The following EPHX4 variants were observed in gnomAD, a reference collection of about 807,000 sequenced individuals.
EPHX4 encodes the protein abhydrolase domain containing 7.
A neutral mutation model predicts 44.9 loss-of-function variants in EPHX4; 31 were observed. That is an observed-to-expected ratio of 0.69 (90% CI 0.52 to 0.93). The LOEUF (loss-of-function observed/expected upper bound fraction) is 0.93. Among genes scored for constraint, EPHX4 ranks in the 40% least tolerant of loss-of-function variants. The pLI, the probability that EPHX4 is intolerant of heterozygous loss-of-function variation, is 0.00. For synonymous variants in EPHX4, 151 were observed against 159.7 expected (o/e 0.95, Z 0.41); for missense variants, 373 against 438.1 (o/e 0.85, Z 1.33).
At chr1:92,041,470 G>A (rs1688508082) in intron 2 of EPHX4, among the ~76,000 whole-genome samples, 1 of 152,108 alleles carries the variant, frequency 6.6e-6, no homozygotes, top group African/African-American at 2.4e-5. Flanking sequence ...ACATCTACTT[G>A]TGAGAGAAAT....
intron 1 of EPHX4, among the ~76,000 whole-genome samples, 175 bp downstream of exon 1, chr1:92,030,485 T>TGA (rs371017117): frequency 8.7e-5 from 12 of 138,648 alleles, no homozygotes; most frequent in African/African-American, 1.4e-4. Context: ...TGTGTGTGTG[T>TGA]GAGAGAGAGA....
chr1:92,032,447 T>C, intron 1 of EPHX4, 58 bp from the exon 2 acceptor site: 1 of 1,279,732 alleles, frequency 7.8e-7, no homozygotes, highest in South Asian at 1.2e-5. Context: ...AAATGCTAAA[T>C]ATATTGCTTT....
At chr1:92,050,199 T>C (rs1647224078) in intron 4 of EPHX4, 118 bp from the exon 5 acceptor site, 1 of 644,810 alleles carries the variant, frequency 1.6e-6, no homozygotes, top group East Asian at 2.9e-5. Context: ...AAAGAAGCCT[T>C]ACTTATGGAT....
intron 6 of EPHX4, among the ~76,000 whole-genome samples, chr1:92,058,649 A>T (rs1459510381): frequency 6.6e-6 from 1 of 152,068 alleles, no homozygotes; most frequent in Non-Finnish European, 1.5e-5. Context: ...TTTCTGGGAA[A>T]CTGACCTTTG....
intron 6 of EPHX4, among the ~76,000 whole-genome samples, chr1:92,056,562 T>G (rs1463940182): frequency 2.0e-5 from 3 of 152,116 alleles, no homozygotes; most frequent in African/African-American, 7.2e-5. Context: ...TATGGAAGAT[T>G]TGAACAACTC....
chr1:92,058,231 C>T (rs1570698087), intron 6 of EPHX4, among the ~76,000 whole-genome samples: 2 of 152,170 alleles, frequency 1.3e-5, no homozygotes, highest in South Asian at 4.2e-4. Flanking sequence ...CACCTGACTT[C>T]GGGAGTTCAA....
At chr1:92,041,766 T>C (rs1159663908) in intron 2 of EPHX4, among the ~76,000 whole-genome samples, 1 of 152,122 alleles carries the variant, frequency 6.6e-6, no homozygotes, top group East Asian at 1.9e-4. Flanking sequence ...TTTGGCCAGG[T>C]GCAGTGGCTT....
intron 5 of EPHX4, among the ~76,000 whole-genome samples, chr1:92,050,836 T>A (rs1251877678): frequency 6.6e-6 from 1 of 152,202 alleles, no homozygotes; most frequent in Non-Finnish European, 1.5e-5. Flanking sequence ...TAAATTCTTC[T>A]TTTTATTTTT....
intron 2 of EPHX4, among the ~76,000 whole-genome samples, chr1:92,034,986 A>G (rs1486948058): frequency 6.6e-6 from 1 of 152,188 alleles, no homozygotes; most frequent in Non-Finnish European, 1.5e-5. Context: ...CTTTATGAAT[A>G]AATGTATTGA....
chr1:92,034,032 A>T (rs1192482675), intron 2 of EPHX4, among the ~76,000 whole-genome samples: 2 of 116,656 alleles, frequency 1.7e-5, no homozygotes, highest in African/African-American at 3.1e-5. Context: ...GAACATCTTT[A>T]AAAGAGGTGG....
intron 6 of EPHX4, among the ~76,000 whole-genome samples, chr1:92,058,675 C>T (rs1435789620): frequency 6.6e-6 from 1 of 151,636 alleles, no homozygotes; most frequent in Non-Finnish European, 1.5e-5. Context: ...CTCAATTGTC[C>T]CAGAAATAAT....
intron 2 of EPHX4, among the ~76,000 whole-genome samples, chr1:92,033,959 G>T (rs1365273264): frequency 1.3e-5 from 2 of 149,146 alleles, no homozygotes; most frequent in African/African-American, 2.5e-5. Flanking sequence ...GACCCCACTG[G>T]GCCAAATAAG....
At chr1:92,052,689 A>T in intron 6 of EPHX4, 31 bp downstream of exon 6, 3 of 1,543,276 alleles carry the variant, frequency 1.9e-6, no homozygotes, top group Non-Finnish European at 2.6e-6. Context: ...GTTAAATAAA[A>T]ATATTTCAGT....
Position 92,030,097 on chromosome 1 carries a change from T to A in EPHX4, c.18T>A (p.Asp6Glu). Reference sequence around the variant, plus strand: ...GCCTCCCAATGGCGAGGCTGCGGGATTGCCTGCCCCGCCTGATGCTCACGC... The same window carrying A: ...GCCTCCCAATGGCGAGGCTGCGGGAATGCCTGCCCCGCCTGATGCTCACGC... MARLR[D>E]CLPRLMLTLR... is the part of the protein sequence containing the mutation. The change falls in exon 1 of 7, where the codon GAT (aspartate) becomes GAA (glutamate). Residue 6 changes from aspartate to glutamate, a missense_variant. Physicochemically the swap from Asp to Glu is conservative, Grantham distance 45. Coordinates refer to ENST00000370383, the MANE Select transcript of EPHX4 (RefSeq NM_173567.5). 6.2e-7 allele frequency: 1 copy of A among 1,602,804 alleles called. No homozygotes were observed. Among genetic ancestry groups the A allele is most frequent in the Non-Finnish European group, 8.5e-7 (1 of 1,175,872 alleles).
chr1:92,059,818 A>G (rs1647449424), intron 6 of EPHX4, among the ~76,000 whole-genome samples: 1 of 152,132 alleles, frequency 6.6e-6, no homozygotes, highest in Non-Finnish European at 1.5e-5. Context: ...ATTAAAGAAT[A>G]TGGGCTTAGA....
intron 2 of EPHX4, among the ~76,000 whole-genome samples, chr1:92,042,150 A>G (rs1211899363): frequency 6.6e-6 from 1 of 151,320 alleles, no homozygotes; most frequent in East Asian, 2.0e-4. Context: ...CACTTGAGCC[A>G]GGAGTTCGAG....
chr1:92,056,555 G>T (rs909964332), intron 6 of EPHX4, among the ~76,000 whole-genome samples: 2 of 151,966 alleles, frequency 1.3e-5, no homozygotes, highest in Non-Finnish European at 2.9e-5. Context: ...ACAAGGGTAT[G>T]GAAGATTTGA....
chr1:92,051,429 A>G (rs1275515810), intron 5 of EPHX4, among the ~76,000 whole-genome samples: 2 of 151,998 alleles, frequency 1.3e-5, no homozygotes, highest in Non-Finnish European at 2.9e-5. Context: ...TAAAATGTAT[A>G]CTAGTGCCTT....
At chr1:92,043,068 C>G in intron 3 of EPHX4, 88 bp downstream of exon 3, 1 of 1,058,696 alleles carries the variant, frequency 9.4e-7, no homozygotes, top group Non-Finnish European at 1.3e-6. Flanking sequence ...TGGGAGGATG[C>G]ATATTCCATC....
Sources: allele counts gnomAD v4.1 joint callset (sites outside exome capture counted in the v4.1 genomes callset), GRCh38; gene constraint gnomAD v4.1.1; transcripts MANE v1.5; gene names NCBI Gene and HGNC (gene_info 2026-07-23, HGNC 2026-07-21).